The following SLC35E4 variants were observed in gnomAD, a reference collection of about 807,000 sequenced individuals.
SLC35E4 encodes solute carrier family 35 member E4.
A neutral mutation model predicts 19.3 loss-of-function variants in SLC35E4; 15 were observed. That is an observed-to-expected ratio of 0.78 (90% CI 0.52 to 1.20). SLC35E4 has a LOEUF of 1.20. Among genes scored for constraint, SLC35E4 ranks in the 50% most tolerant of loss-of-function variants. SLC35E4 has a pLI of 0.00. For missense variants in SLC35E4, 406 were observed against 472.3 expected (o/e 0.86, Z 1.30); for synonymous variants, 219 against 219.9 (o/e 1.00, Z 0.04).
At chr22:30,646,443 T>A (rs1304100667) in intron 1 of SLC35E4, among the ~76,000 whole-genome samples, 155 bp from the exon 2 acceptor site, 2 of 152,140 alleles carry the variant, frequency 1.3e-5, no homozygotes, top group African/African-American at 4.8e-5. Context: ...GTGGTCTGAC[T>A]CCAACTCTTG....
downstream of SLC35E4, chr22:30,663,429 G>C (rs1292051248): frequency 1.2e-6 from 2 of 1,600,326 alleles, no homozygotes; most frequent in Non-Finnish European, 1.7e-6. Flanking sequence ...AGGGGCTCGT[G>C]GGATGGCTCA....
chr22:30,650,866 CTGGGAAGCT>C (rs1306787705), downstream of SLC35E4, among the ~76,000 whole-genome samples: 1 of 152,124 alleles, frequency 6.6e-6, no homozygotes, highest in African/African-American at 2.4e-5. Flanking sequence ...TGGAGGAAGC[CTGGGAAGCT>C]GGGTCTGTGC....
intron 1 of SLC35E4, among the ~76,000 whole-genome samples, chr22:30,644,487 T>C (rs1193732091): frequency 1.3e-5 from 2 of 152,150 alleles, no homozygotes; most frequent in African/African-American, 4.8e-5. Flanking sequence ...ACACCTGTAA[T>C]CCCAGCACTT....
downstream of SLC35E4, among the ~76,000 whole-genome samples, chr22:30,650,657 G>T (rs568393014): frequency 6.6e-6 from 1 of 152,288 alleles, no homozygotes. Flanking sequence ...TCCCCCACCA[G>T]CTTCTGGAGC....
chr22:30,638,132 G>C (rs2087979294), intron 1 of SLC35E4, among the ~76,000 whole-genome samples: 1 of 152,098 alleles, frequency 6.6e-6, no homozygotes, highest in Non-Finnish European at 1.5e-5. Flanking sequence ...TTGGGAGGCT[G>C]AGGTGGGAGG....
downstream of SLC35E4, among the ~76,000 whole-genome samples, chr22:30,648,359 C>T (rs1171368143): frequency 2.0e-5 from 3 of 152,102 alleles, no homozygotes; most frequent in African/African-American, 7.2e-5. Context: ...ACATGCTGTT[C>T]CCTCCGTCCA....
At chr22:30,654,297 T>C in intron 2 of SLC35E4, 1 of 456,644 alleles carries the variant, frequency 2.2e-6, no homozygotes, top group Non-Finnish European at 4.4e-6. Flanking sequence ...CCATGAGCTG[T>C]TTCTTATTCT....
exon 3 of SLC35E4, chr22:30,663,154 G>A: frequency 2.8e-6 from 1 of 357,158 alleles, no homozygotes; most frequent in South Asian, 4.3e-5. Context: ...CATGTGCAAT[G>A]GGTGCTGCCC....
downstream of SLC35E4, among the ~76,000 whole-genome samples, chr22:30,651,413 A>T (rs2088212357): frequency 3.1e-5 from 2 of 64,742 alleles, no homozygotes; most frequent in African/African-American, 8.3e-5. Flanking sequence ...ATATATATAT[A>T]TATATATATA....
At chr22:30,661,506 T>C (rs1351410116) in intron 2 of SLC35E4, 1 of 149,062 alleles carries the variant, frequency 6.7e-6, no homozygotes, top group Admixed American at 6.9e-5. Context: ...TGGAGTGCAA[T>C]GGTGCAAGCT....
At chr22:30,665,768 C>T (rs2088627939), downstream of SLC35E4, among the ~76,000 whole-genome samples, 1 of 152,198 alleles carries the variant, frequency 6.6e-6, no homozygotes, top group Admixed American at 6.5e-5. Flanking sequence ...TGTCTTCACT[C>T]CCACTCTATC....
At position 30,647,085 on chromosome 22, in the gene SLC35E4, C is replaced by G. The variant is rs2088147095; in HGVS notation, c.*54C>G. The G allele has an allele frequency of 6.6e-7, 1 of 1,520,406 alleles. No homozygotes were observed. The highest frequency in any genetic ancestry group is 8.8e-7 in the Non-Finnish European group (1 of 1,137,892). The allele number at this position is 1,520,406 out of a possible 1,614,324, so 94.2% of individuals were successfully genotyped here. On this transcript the variant is annotated 3_prime_UTR_variant, in exon 2 of 2. Transcript: ENST00000343605. ...GATGGCCCTGGCCTGAATCCAGCCTCCGCTGTGGCCATAGAAGGAATGGAG... is the reference window on the plus strand; with the variant it reads ...GATGGCCCTGGCCTGAATCCAGCCTGCGCTGTGGCCATAGAAGGAATGGAG...
chr22:30,651,413 A>G (rs2088212357), downstream of SLC35E4, among the ~76,000 whole-genome samples: 12 of 64,712 alleles, frequency 1.9e-4, no homozygotes, highest in South Asian at 4.8e-4. Flanking sequence ...ATATATATAT[A>G]TATATATATA....
intron 1 of SLC35E4, 74 bp downstream of exon 1, chr22:30,637,143 T>C: frequency 3.3e-6 from 5 of 1,499,588 alleles, no homozygotes; most frequent in African/African-American, 1.4e-5. Context: ...CTGTGAGGGG[T>C]ATGGCTGTTG....
In SLC35E4 at chr22:30,659,675, A is replaced by G. The variant is rs1243014786; in HGVS notation, c.*9-2385A>G. ...GCTAAATAAGAATTTTAGAACTAAG[A>G]AAATATAAGAATCAAGATTTGGAAA... On this transcript the variant is annotated intron_variant, in intron 2 of 2. Transcript: ENST00000406566. Among the ~76,000 whole-genome samples, 6 of 152,330 alleles carry G rather than the reference A, an allele frequency of 3.9e-5. No individual in the cohort carries two copies. The East Asian group carries it at 1.2e-3, about 29-fold the overall frequency.
At chr22:30,651,354 C>T (rs140922631), downstream of SLC35E4, among the ~76,000 whole-genome samples, 1 of 135,130 alleles carries the variant, frequency 7.4e-6, no homozygotes, top group Non-Finnish European at 1.5e-5. Context: ...GCATATGCCA[C>T]CACACGTGGC....
downstream of SLC35E4, among the ~76,000 whole-genome samples, chr22:30,651,425 ATATTTTTTTTTTT>A (rs2088218595): frequency 1.1e-4 from 3 of 27,446 alleles, no homozygotes; most frequent in South Asian, 1.4e-3. Flanking sequence ...ATATATATAT[ATATTTTTTTTTTT>A]TTTTTTTTTT....
chr22:30,644,897 A>C (rs1423166820), intron 1 of SLC35E4, among the ~76,000 whole-genome samples: 1 of 152,194 alleles, frequency 6.6e-6, no homozygotes, highest in African/African-American at 2.4e-5. Flanking sequence ...TAGGCAAAGC[A>C]GCAAGATCCC....
Position 30,636,386 on chromosome 22 carries a change from ACT to A in SLC35E4, c.-60_-59del. On this transcript the variant is annotated 5_prime_UTR_variant, in exon 1 of 2. Transcript: ENST00000343605. ...AGGATCTAGCCTGGCCCCAAGCGGA[ACT>A]CTCTGGTGGCCCAGAGGTCGTCACT... 2 of 1,435,300 alleles carry A rather than the reference ACT, an allele frequency of 1.4e-6. No homozygotes were observed. The highest frequency in any genetic ancestry group is 1.5e-5 in the South Asian group (1 of 68,488). The allele number at this position is 1,435,300 out of a possible 1,614,324, so 88.9% of individuals were successfully genotyped here. A position where few individuals can be genotyped will look rare whatever the true frequency, so the allele number is the denominator to read the frequency against.
Sources: gnomAD v4.1 joint callset for allele counts (sites outside exome capture counted in the v4.1 genomes callset) on GRCh38, gnomAD v4.1.1 for gene constraint, MANE v1.5 for transcripts, NCBI Gene and HGNC (gene_info 2026-07-23, HGNC 2026-07-21) for gene names.